Variants in KCNK15 observed in about 807,000 individuals in gnomAD.
KCNK15 encodes the protein potassium channel subfamily K member 15.
A neutral mutation model predicts 8.5 loss-of-function variants in KCNK15; 9 were observed. The ratio of observed to expected loss-of-function variants is 1.06; its 90% CI spans 0.64 to 1.85. The LOEUF is 1.85. Ranked by LOEUF, KCNK15 falls within the 40% of genes most tolerant of loss-of-function variation. The probability of loss-of-function intolerance (pLI) is 0.00; values close to 1 mark genes in which losing one functional copy is unlikely to be tolerated. For missense variants in KCNK15, 467 were observed against 476.8 expected, an observed-to-expected ratio of 0.98 and a Z score of 0.19; for synonymous variants, 224 against 232.7, an observed-to-expected ratio of 0.96 and a Z score of 0.34.
At position 44,745,866 on chromosome 20, in the gene KCNK15, C is replaced by A. The variant is rs1334641168; in HGVS notation, c.-45C>A. On this transcript the variant is annotated 5_prime_UTR_variant, in exon 1 of 2. Transcript: ENST00000372861. ...GGGGGCGGAGCGCGCGGTCCGGGCACACGGAGCAGGTTGGGACCGCGGCGG... is the reference window on the plus strand; with the variant it reads ...GGGGGCGGAGCGCGCGGTCCGGGCAAACGGAGCAGGTTGGGACCGCGGCGG... 1.6e-6 allele frequency: 2 copies of A among 1,234,456 alleles called. No homozygotes were observed. The highest frequency in any genetic ancestry group is 2.0e-6 in the Non-Finnish European group (2 of 987,734). 76.5% of individuals were successfully genotyped at this position (1,234,456 alleles called of 1,614,324 possible).
chr20:44,750,792 G>A lies in KCNK15; in HGVS notation c.947G>A (p.Arg316His), dbSNP rs1236925734. ...CCCCCCTCGAGCCCGGGGGTCGTGCGTGGCGGGCAGGCTCCCAGGCTTGGG... is the reference window on the plus strand; with the variant it reads ...CCCCCCTCGAGCCCGGGGGTCGTGCATGGCGGGCAGGCTCCCAGGCTTGGG... Reference protein sequence around the residue: ...FSPPSSPGVVRGGQAPRLGAR... With the variant: ...FSPPSSPGVVHGGQAPRLGAR... Residue 316 changes from arginine (R) to histidine (H), a missense_variant, in exon 2 of 2, where the codon CGT becomes CAT. Around this residue, in one of 2 missense-constraint regions of KCNK15, gnomAD observed 455 missense variants for 441.2 expected, o/e 1.03. Coordinates refer to ENST00000372861, the MANE Select transcript of KCNK15 (RefSeq NM_022358.4). 2 of 1,501,504 alleles carry A rather than the reference G, an allele frequency of 1.3e-6. No individual in the cohort carries two copies. The highest frequency in any genetic ancestry group is 1.8e-6 in the Non-Finnish European group (2 of 1,130,848). The allele number at this position is 1,501,504 out of a possible 1,614,324, so 93.0% of individuals were successfully genotyped here. A position where few individuals can be genotyped will look rare whatever the true frequency, so the allele number is the denominator to read the frequency against.
chr20:44,747,714 G>A (rs2066013249), intron 1 of KCNK15, among the ~76,000 whole-genome samples: 2 of 152,280 alleles, frequency 1.3e-5, no homozygotes, highest in Non-Finnish European at 2.9e-5. Flanking sequence ...ACCCTCTGTG[G>A]TCTAGTCCGC....
At position 44,748,647 on chromosome 20, in the gene KCNK15, T is replaced by A. The variant is rs145137231; in HGVS notation, c.284-1482T>A. On this transcript the variant is annotated intron_variant, in intron 1 of 1. Transcript: ENST00000372861. ...AAACACACACATTGTATAGACGTTA[T>A]ACACACAGTTTTGTCTCTTACTTTT... 4.4e-4 allele frequency among the ~76,000 whole-genome samples: 67 copies of A among 152,360 alleles called. No homozygotes were observed. In the Middle Eastern group the frequency reaches 0.01, roughly 23 times the overall value.
chr20:44,750,506 G>A lies in KCNK15; in HGVS notation c.661G>A (p.Val221Met). ...GGCGCTGCAGAGGAAGCTCCCCTAC[G>A]TGGCCTTCAGCTTCCTCTACATCCT... ...GEALQRKLPYVAFSFLYILLG... is the reference protein window; with the variant it reads ...GEALQRKLPYMAFSFLYILLG... Residue 221 changes from valine to methionine, a missense_variant, in exon 2 of 2, where the codon GTG (valine) becomes ATG (methionine). Physicochemically the swap from Val to Met is conservative, Grantham distance 21. Coordinates refer to ENST00000372861, the MANE Select transcript of KCNK15 (RefSeq NM_022358.4). 9.3e-6 allele frequency: 15 copies of A among 1,613,854 alleles called. No individual in the cohort carries two copies. Among genetic ancestry groups the A allele is most frequent in the Non-Finnish European group, 1.1e-5 (13 of 1,179,872 alleles).
rs147424269 is a variant in KCNK15 at position 44,751,762 on chromosome 20, G to A, written c.*924G>A. On this transcript the variant is annotated 3_prime_UTR_variant, in exon 2 of 2. Transcript: ENST00000372861. Reference sequence around the variant, plus strand: ...CCGTGGCACTCAGCCACTTCCCCTGGCTTCCCAGATAGGGCTGTCTCAACA... The same window carrying A: ...CCGTGGCACTCAGCCACTTCCCCTGACTTCCCAGATAGGGCTGTCTCAACA... 5.9e-5 allele frequency: 9 copies of A among 152,310 alleles called. No individual in the cohort carries two copies. Among genetic ancestry groups the A allele is most frequent in the African/African-American group, 2.2e-4 (9 of 41,568 alleles). 9.4% of individuals were successfully genotyped at this position (152,310 alleles called of 1,614,324 possible).
chr20:44,747,314 TG>T (rs2145434591), intron 1 of KCNK15: 1 of 152,340 alleles, frequency 6.6e-6, no homozygotes, highest in Non-Finnish European at 1.5e-5. Flanking sequence ...CCTACCTCAC[TG>T]GGTGACTGCC....
chr20:44,750,382 G>A lies in KCNK15; in HGVS notation c.537G>A (p.Ser179=), dbSNP rs1365592660. 1.2e-6 allele frequency: 2 copies of A among 1,613,782 alleles called. No individual in the cohort carries two copies. Among genetic ancestry groups the A allele is most frequent in the East Asian group, 2.2e-5 (1 of 44,872 alleles). Residue 179 remains serine (S), a synonymous_variant, in exon 2 of 2, where the codon TCG becomes TCA. Transcript: ENST00000372861. ...TGGCCCTCGGGGCCGTCGCCTTCTC[G>A]CACTTCGAGGGCTGGACCTTCTTCC... ...ATLALGAVAF[S]HFEGWTFFHA...
At chr20:44,748,064 G>T (rs995256406) in intron 1 of KCNK15, among the ~76,000 whole-genome samples, 1 of 152,244 alleles carries the variant, frequency 6.6e-6, no homozygotes, top group African/African-American at 2.4e-5. Context: ...AATCCATGCA[G>T]AGTACATACA....
At chr20:44,748,941 T>C (rs1232213621) in intron 1 of KCNK15, among the ~76,000 whole-genome samples, 1 of 152,212 alleles carries the variant, frequency 6.6e-6, no homozygotes, top group African/African-American at 2.4e-5. Flanking sequence ...CCACCCTCGA[T>C]TGAGAACTGC....
rs554500111 is a variant in KCNK15, at chr20:44,750,505, C to T, written c.660C>T (p.Tyr220=). Residue 220 remains tyrosine (Y), a synonymous_variant, in exon 2 of 2, where the codon TAC becomes TAT. Coordinates refer to ENST00000372861, the MANE Select transcript of KCNK15 (RefSeq NM_022358.4). ...AGGCGCTGCAGAGGAAGCTCCCCTA[C>T]GTGGCCTTCAGCTTCCTCTACATCC... ...SGEALQRKLP[Y]VAFSFLYILL... 4.3e-6 allele frequency: 7 copies of T among 1,613,800 alleles called. No homozygotes were observed. The East Asian group carries it at 1.1e-4, about 26-fold the overall frequency.
rs986923986 is a variant in KCNK15, at chr20:44,750,952, A to G, written c.*114A>G. The G allele has an allele frequency of 4.3e-6, 3 of 693,270 alleles. No individual in the cohort carries two copies. Among genetic ancestry groups the G allele is most frequent in the Non-Finnish European group, 4.2e-6 (2 of 470,658 alleles). 42.9% of individuals were successfully genotyped at this position (693,270 alleles called of 1,614,324 possible). A position where few individuals can be genotyped will look rare whatever the true frequency, so the allele number is the denominator to read the frequency against. On this transcript the variant is annotated 3_prime_UTR_variant, in exon 2 of 2. Transcript: ENST00000372861. The stretch of plus-strand genomic sequence containing the variant: ...ACGGGCCTCTAGGCGGTCTTCTGCC[A>G]CGAGCAGTTTCTCATTACTGTCTGT...
At position 44,750,423 on chromosome 20, in the gene KCNK15, GCTT is replaced by G; in HGVS notation, c.580_582del (p.Phe194del). 6.2e-7 allele frequency: 1 copy of G among 1,613,998 alleles called. No homozygotes were observed. On this transcript the variant is annotated inframe_deletion, in exon 2 of 2. Coordinates refer to ENST00000372861, the MANE Select transcript of KCNK15 (RefSeq NM_022358.4). ...ACCTTCTTCCACGCCTACTACTACT[GCTT>G]CATCACCCTCACCACCATCGGCTTC...
At position 44,750,660 on chromosome 20, in the gene KCNK15, G is replaced by A. The variant is rs1432698781; in HGVS notation, c.815G>A (p.Arg272His). 1.3e-6 allele frequency: 2 copies of A among 1,495,736 alleles called. No individual in the cohort carries two copies. Among genetic ancestry groups the A allele is most frequent in the East Asian group, 5.5e-5 (2 of 36,260 alleles). The allele number at this position is 1,495,736 out of a possible 1,614,324, so 92.7% of individuals were successfully genotyped here. A position where few individuals can be genotyped will look rare whatever the true frequency, so the allele number is the denominator to read the frequency against. Residue 272 changes from arginine to histidine, a missense_variant, in exon 2 of 2, where the codon CGT becomes CAT. By Grantham distance (29) the Arg-to-His change is conservative (BLOSUM62 0). This residue lies in a region of KCNK15 where 455 missense variants were observed against 441.2 expected (regional missense o/e 1.03). Coordinates refer to ENST00000372861, the MANE Select transcript of KCNK15 (RefSeq NM_022358.4). ...CGCCCCCCGGGGGCGCCCGAGAGCC[G>A]TGGCCTCTGGCTGCCCCGCCGCCCG... The part of the protein sequence containing the change: ...SPRPPGAPES[R>H]GLWLPRRPAR...
In KCNK15 at chr20:44,750,497, C is replaced by G; in HGVS notation, c.652C>G (p.Leu218Val). 6.2e-7 allele frequency: 1 copy of G among 1,613,922 alleles called. No homozygotes were observed. ...LQSGEALQRK[L>V]PYVAFSFLYI... ...GAGCGGCGAGGCGCTGCAGAGGAAG[C>G]TCCCCTACGTGGCCTTCAGCTTCCT... is the stretch of plus-strand genomic sequence containing the variant. Residue 218 changes from leucine (L) to valine (V), a missense_variant, in exon 2 of 2, where the codon CTC becomes GTC. Leu to Val is a conservative substitution (Grantham distance 32). Around this residue, in one of 2 missense-constraint regions of KCNK15, gnomAD observed 455 missense variants for 441.2 expected, o/e 1.03. Coordinates refer to ENST00000372861, the MANE Select transcript of KCNK15 (RefSeq NM_022358.4).
rs769527221 is a variant in KCNK15 at position 44,750,160 on chromosome 20, C to T, written c.315C>T (p.Ser105=). 11 of 1,611,850 alleles carry T rather than the reference C, an allele frequency of 6.8e-6. No individual in the cohort carries two copies. The East Asian group carries it at 2.0e-4, about 29-fold the overall frequency. Residue 105 remains serine, a synonymous_variant, in exon 2 of 2, where the codon TCC becomes TCT. Coordinates refer to ENST00000372861, the MANE Select transcript of KCNK15 (RefSeq NM_022358.4). ...GCCACGCCGCGCCGGGTACGGACTC[C>T]GGCAAGGTCTTCTGCATGTTCTACG... ...EYGHAAPGTD[S]GKVFCMFYAL...
Position 44,750,739 on chromosome 20 carries a change from G to T in KCNK15, c.894G>T (p.Arg298Ser). ...SVFCHVHKLE[R>S]CARDNLGFSP... Reference sequence around the variant, plus strand: ...TCTGCCACGTGCACAAGCTGGAGAGGTGCGCCCGCGACAACCTGGGCTTTT... The same window carrying T: ...TCTGCCACGTGCACAAGCTGGAGAGTTGCGCCCGCGACAACCTGGGCTTTT... The change falls in exon 2 of 2, where the codon AGG (arginine) becomes AGT (serine). Residue 298 changes from arginine (R) to serine (S), a missense_variant. Physicochemically the swap from Arg to Ser is moderately radical, Grantham distance 110. Transcript: ENST00000372861. 6.6e-7 allele frequency: 1 copy of T among 1,504,894 alleles called. No homozygotes were observed. 93.2% of individuals were successfully genotyped at this position (1,504,894 alleles called of 1,614,324 possible).
At chr20:44,749,533 G>T (rs1221536137) in intron 1 of KCNK15, among the ~76,000 whole-genome samples, 1 of 152,132 alleles carries the variant, frequency 6.6e-6, no homozygotes, top group Non-Finnish European at 1.5e-5. Flanking sequence ...GCTGGAAAGT[G>T]GGGAAAGTTT....
chr20:44,748,643 G>A (rs928465793), intron 1 of KCNK15, among the ~76,000 whole-genome samples: 1 of 152,028 alleles, frequency 6.6e-6, no homozygotes, highest in Admixed American at 6.5e-5. Context: ...TTGTATAGAC[G>A]TTATACACAC....
chr20:44,750,579 G>T lies in KCNK15; in HGVS notation c.734G>T (p.Arg245Leu), dbSNP rs750234958. The T allele has an allele frequency of 6.2e-7, 1 of 1,610,080 alleles. No individual in the cohort carries two copies. The highest frequency in any genetic ancestry group is 2.2e-5 in the East Asian group (1 of 44,838). ...IGAFLNLVVL[R>L]FLVASADWPE... ...GCCTTCCTCAACCTGGTGGTCCTGC[G>T]CTTCCTCGTTGCCAGCGCCGACTGG... The change falls in exon 2 of 2, where the codon CGC becomes CTC. Residue 245 changes from arginine (R) to leucine (L), a missense_variant. Arg to Leu is a moderately radical substitution (Grantham distance 102, BLOSUM62 -2). Coordinates refer to ENST00000372861, the MANE Select transcript of KCNK15 (RefSeq NM_022358.4).
Sources: gnomAD v4.1 joint callset for allele counts (sites outside exome capture counted in the v4.1 genomes callset) on GRCh38, gnomAD v4.1.1 for gene constraint, gnomAD v4.1.1 regional missense constraint, MANE v1.5 for transcripts, NCBI Gene and HGNC (gene_info 2026-07-23, HGNC 2026-07-21) for gene names.